MYH3: variants seen among roughly 807,000 people sequenced by gnomAD.
MYH3 encodes myosin-3.
Under a neutral mutation model 238.0 loss-of-function variants are expected in MYH3, and 130 were observed. The ratio of observed to expected loss-of-function variants is 0.55; its 90% CI spans 0.47 to 0.63. MYH3 has a LOEUF of 0.63. Ranked by LOEUF, MYH3 falls within the 30% of genes least tolerant of loss-of-function variation. The pLI is 0.00. For missense variants in MYH3, 1,853 were observed against 2,374.9 expected (o/e 0.78, Z 4.57); for synonymous variants, 880 against 924.1 (o/e 0.95, Z 0.86).
intron 34 of MYH3, 96 bp from the exon 35 acceptor site, chr17:10,632,112 T>C: frequency 7.6e-6 from 1 of 131,792 alleles, no homozygotes; most frequent in Non-Finnish European, 1.6e-5. Context: ...GTTTGTTTGT[T>C]TTTGTTTTGT....
intron 4 of MYH3, 98 bp downstream of exon 4, chr17:10,652,322 T>A (rs1473961738): frequency 7.0e-7 from 1 of 1,437,106 alleles, no homozygotes; most frequent in Non-Finnish European, 9.7e-7. Context: ...CAAGCACTCA[T>A]CTTCCAGAAT....
intron 1 of MYH3, among the ~76,000 whole-genome samples, chr17:10,656,551 A>AT (rs796954188): frequency 0.056 from 8,318 of 148,078 alleles, 364 homozygotes; most frequent in African/African-American, 0.12. Flanking sequence ...AAAAAAAAAA[A>AT]AAAAAAAAAA....
the MYH3 span, among the ~76,000 whole-genome samples, chr17:10,668,576 T>C: frequency 2.0e-5 from 3 of 152,102 alleles, no homozygotes; most frequent in Middle Eastern, 3.2e-3. Flanking sequence ...GGGGGACAAA[T>C]TGAAGAAATT....
the MYH3 span, chr17:10,674,760 C>G: frequency 5.2e-5 from 8 of 152,492 alleles, no homozygotes; most frequent in Middle Eastern, 3.4e-3. Context: ...CCAGGAGGCT[C>G]TCACAGGCAT....
In MYH3 at chr17:10,635,453, C is replaced by A. The variant is rs1024223602; in HGVS notation, c.4086G>T (p.Leu1362=). ...GGGCAACCTCACTATTGGCCTTGGA[C>A]AGCGCCCTCTGCAGCTCAGCTTTGC... ...QEGKAELQRA[L]SKANSEVAQW... Residue 1362 remains leucine, a synonymous_variant, in exon 30 of 41, where the codon CTG becomes CTT. Transcript: ENST00000583535. 3 of 1,614,140 alleles carry A rather than the reference C, an allele frequency of 1.9e-6. No individual in the cohort carries two copies. Among genetic ancestry groups the A allele is most frequent in the Non-Finnish European group, 2.5e-6 (3 of 1,179,956 alleles).
chr17:10,667,682 A>C, the MYH3 span, among the ~76,000 whole-genome samples: 1 of 66,830 alleles, frequency 1.5e-5, no homozygotes, highest in African/African-American at 2.1e-4. Flanking sequence ...ACTCTGTCTA[A>C]AAAAAAAAAA....
At chr17:10,651,693 G>A (rs777613140) in intron 4 of MYH3, 25 bp from the exon 5 acceptor site, 205 of 1,606,064 alleles carry the variant, frequency 1.3e-4, no homozygotes, top group Non-Finnish European at 1.7e-4. Context: ...ACATATACGT[G>A]CGTATATGTA....
chr17:10,660,315 G>A (rs890132371), upstream of MYH3, among the ~76,000 whole-genome samples: 11 of 152,216 alleles, frequency 7.2e-5, no homozygotes, highest in African/African-American at 2.7e-4. Context: ...TGAGAACCCT[G>A]AGTAAATTAC....
intron 10 of MYH3, among the ~76,000 whole-genome samples, chr17:10,646,637 CAGA>C (rs2074324222): frequency 6.6e-6 from 1 of 152,170 alleles, no homozygotes; most frequent in Non-Finnish European, 1.5e-5. Context: ...TTCAGTTGCT[CAGA>C]AGGTTTTTAT....
chr17:10,659,662 C>A (rs1019323881), upstream of MYH3, among the ~76,000 whole-genome samples: 1 of 152,122 alleles, frequency 6.6e-6, no homozygotes, highest in African/African-American at 2.4e-5. Context: ...CTGTGTGGTA[C>A]AAGATCAAAG....
chr17:10,641,495 G>C, intron 17 of MYH3, 123 bp from the exon 18 acceptor site: 2 of 693,356 alleles, frequency 2.9e-6, no homozygotes, highest in Non-Finnish European at 4.7e-6. Flanking sequence ...ATAGTGAAAT[G>C]ATTTAACTCT....
chr17:10,671,574 T>C, the MYH3 span, among the ~76,000 whole-genome samples: 1 of 42,914 alleles, frequency 2.3e-5, no homozygotes, highest in Non-Finnish European at 4.3e-5. Context: ...TCAGGGTCAT[T>C]TTTTTTTTTT....
In MYH3 at chr17:10,644,434, G is replaced by A. The variant is rs748221316; in HGVS notation, c.1327C>T (p.Arg443Cys). 7 of 1,613,908 alleles carry A rather than the reference G, an allele frequency of 4.3e-6. No homozygotes were observed. In the South Asian group the frequency reaches 4.4e-5, roughly 10 times the overall value. ...YEKLFLWMVTRINQQLDTKLP... is the reference protein window; with the variant it reads ...YEKLFLWMVTCINQQLDTKLP... Reference sequence around the variant, plus strand: ...TTCGTATCCAGTTGCTGGTTAATGCGAGTGACCATCCACAAGAACAACTTT... The same window carrying A: ...TTCGTATCCAGTTGCTGGTTAATGCAAGTGACCATCCACAAGAACAACTTT... The change falls in exon 14 of 41, where the codon CGC becomes TGC. Residue 443 changes from arginine to cysteine, a missense_variant. By Grantham distance (180) the Arg-to-Cys change is radical. This residue lies in a region of MYH3 where 678 missense variants were observed against 1,058.9 expected (regional missense o/e 0.64). Transcript: ENST00000583535.
At chr17:10,675,084 C>T in the MYH3 span, 2 of 152,212 alleles carry the variant, frequency 1.3e-5, no homozygotes, top group African/African-American at 4.8e-5. Flanking sequence ...ACTTCTTTGC[C>T]TCTCAAAGCT....
At chr17:10,650,324 A>C in intron 6 of MYH3, 50 bp downstream of exon 6, 2 of 1,563,578 alleles carry the variant, frequency 1.3e-6, no homozygotes, top group Non-Finnish European at 1.8e-6. Context: ...AATGAACAGA[A>C]TAGAGCCAGT....
rs764947228 is a variant in MYH3, at chr17:10,644,662, C to T, written c.1182G>A (p.Ser394=). Residue 394 remains serine (S), a synonymous_variant, in exon 13 of 41, where the codon TCG becomes TCA. Transcript: ENST00000583535. ...GAAAGCACAAAGCTTTTAGGAGGTC[C>T]GAAGAGTTCAGGCCCATCAGATAGG... is the stretch of plus-strand genomic sequence containing the variant. The part of the protein sequence containing the change: ...KTAYLMGLNS[S]DLLKALCFPR... 5.0e-6 allele frequency: 8 copies of T among 1,613,878 alleles called. No homozygotes were observed. Among genetic ancestry groups the T allele is most frequent in the African/African-American group, 2.7e-5 (2 of 74,896 alleles).
At chr17:10,659,104 T>G (rs2074462995), upstream of MYH3, 1 of 152,280 alleles carries the variant, frequency 6.6e-6, no homozygotes, top group African/African-American at 2.4e-5. Context: ...CCAGACCTGT[T>G]GACAGGAGGA....
At chr17:10,645,044 AT>A (rs36082575) in intron 12 of MYH3, among the ~76,000 whole-genome samples, 27 of 146,726 alleles carry the variant, frequency 1.8e-4, no homozygotes, top group East Asian at 6.1e-4. Flanking sequence ...GCTTCCATCC[AT>A]TTTTTTTTTT....
At position 10,642,889 on chromosome 17, in the gene MYH3, G is replaced by A. The variant is rs201500894; in HGVS notation, c.1518C>T (p.Gly506=). The change falls in exon 15 of 41, where the codon GGC becomes GGT. Residue 506 remains glycine (G), a synonymous_variant. Transcript: ENST00000583535. The surrounding 1 kb of genome is among the most constrained non-coding windows in gnomAD (Gnocchi z 5.4). ...CGAAGTCAATGAACGTCCACTCGAT[G>A]CCTTCCTTCTTGTACTCCTCCTGCT... ...VLEQEEYKKE[G]IEWTFIDFGM... 3.5e-5 allele frequency: 57 copies of A among 1,614,108 alleles called. No individual in the cohort carries two copies. The highest frequency in any genetic ancestry group is 5.0e-5 in the Admixed American group (3 of 60,008).
Sources: allele counts gnomAD v4.1 joint callset (sites outside exome capture counted in the v4.1 genomes callset), GRCh38; gene constraint gnomAD v4.1.1; regional missense constraint gnomAD v4.1.1; non-coding constraint Gnocchi (gnomAD v3.1); transcripts MANE v1.5; gene names NCBI Gene and HGNC (gene_info 2026-07-23, HGNC 2026-07-21).